The following CMIP variants were observed in gnomAD, a reference collection of about 807,000 sequenced individuals.
CMIP encodes the protein c-Maf inducing protein.
A neutral mutation model predicts 97.3 loss-of-function variants in CMIP; 13 were observed. The ratio of observed to expected loss-of-function variants is 0.13; its 90% CI spans 0.09 to 0.21. The LOEUF (loss-of-function observed/expected upper bound fraction) is 0.21, where lower values mean the gene tolerates loss of function less well. CMIP is among the 10% of genes least tolerant of loss of function. CMIP has a pLI of 1.00. For missense variants in CMIP, 847 were observed against 1,024.9 expected (o/e 0.83, Z 2.37); for synonymous variants, 538 against 436.3 (o/e 1.23, Z -2.91).
chr16:81,524,033 G>C (rs12443566), intron 1 of CMIP, among the ~76,000 whole-genome samples: 1 of 152,206 alleles, frequency 6.6e-6, no homozygotes. Flanking sequence ...CCTTGGAGTA[G>C]GCTTATTTTT....
At chr16:81,458,061 A>G (rs1200547141) in intron 1 of CMIP, among the ~76,000 whole-genome samples, 1 of 152,240 alleles carries the variant, frequency 6.6e-6, no homozygotes, top group Non-Finnish European at 1.5e-5. Context: ...AATTAGCATT[A>G]GAAAGTTTTG....
rs184811406 is a variant in CMIP, at chr16:81,598,761, G to A, written c.301-8806G>A. On this transcript the variant is annotated intron_variant, in intron 1 of 20. Transcript: ENST00000537098. ...GCATGCGGATCACCTGAGGTCAGGC[G>A]TTTGAGACCAGCCTGGCCAACATGG... 6.6e-5 allele frequency among the ~76,000 whole-genome samples: 10 copies of A among 152,208 alleles called. No individual in the cohort carries two copies. The East Asian group carries it at 9.7e-4, about 15-fold the overall frequency.
intron 10 of CMIP, among the ~76,000 whole-genome samples, chr16:81,683,508 G>C (rs537248862): frequency 4.6e-5 from 7 of 152,198 alleles, no homozygotes; most frequent in Admixed American, 4.6e-4. Flanking sequence ...TCCTGCCTCA[G>C]CCTCCCCAGT....
Position 81,444,841 on chromosome 16 carries a change from C to G in CMIP, c.-401C>G, listed in dbSNP as rs1399173208. The stretch of plus-strand genomic sequence containing the variant: ...CCGGACGGCCGCGCGGACACACGCT[C>G]TGTACACACGCGCGCGGCGGCGCGG... On this transcript the variant is annotated 5_prime_UTR_variant, in exon 1 of 21. Transcript: ENST00000537098. Among the ~76,000 whole-genome samples, 1 of 144,874 alleles carries G rather than the reference C, an allele frequency of 6.9e-6. No individual in the cohort carries two copies. The highest frequency in any genetic ancestry group is 1.5e-5 in the Non-Finnish European group (1 of 65,140).
chr16:81,512,303 G>A (rs1347010268), intron 1 of CMIP, among the ~76,000 whole-genome samples: 1 of 152,104 alleles, frequency 6.6e-6, no homozygotes, highest in Admixed American at 6.5e-5. Context: ...CTTGGTGGGG[G>A]TCTTTCTTGC....
chr16:81,527,522 C>T (rs1414951497), intron 1 of CMIP, among the ~76,000 whole-genome samples: 1 of 152,202 alleles, frequency 6.6e-6, no homozygotes, highest in Non-Finnish European at 1.5e-5. Context: ...ATTATCCCAT[C>T]TCATGGACCT....
At chr16:81,544,713 T>A (rs187403105) in intron 1 of CMIP, among the ~76,000 whole-genome samples, 1 of 151,638 alleles carries the variant, frequency 6.6e-6, no homozygotes, top group East Asian at 2.0e-4. Context: ...GTTTGTGGAA[T>A]GTTGTGTGTA....
At chr16:81,518,816 T>C (rs562770536) in intron 1 of CMIP, 32 of 150,040 alleles carry the variant, frequency 2.1e-4, no homozygotes, top group African/African-American at 7.9e-4. Context: ...TGGGGCAACA[T>C]AGCGAGACCT....
At chr16:81,688,262 G>A (rs775105276) in intron 10 of CMIP, among the ~76,000 whole-genome samples, 1 of 152,240 alleles carries the variant, frequency 6.6e-6, no homozygotes, top group African/African-American at 2.4e-5. Flanking sequence ...CAGGAAGGAG[G>A]CTCTTTCATG....
At chr16:81,588,470 T>G (rs898335514) in intron 1 of CMIP, among the ~76,000 whole-genome samples, 1 of 152,230 alleles carries the variant, frequency 6.6e-6, no homozygotes, top group African/African-American at 2.4e-5. Context: ...TGACCTCGTT[T>G]ACGGGCAGGG....
chr16:81,617,659 T>C (rs1236963116), intron 2 of CMIP: 1 of 152,366 alleles, frequency 6.6e-6, no homozygotes, highest in East Asian at 1.9e-4. Flanking sequence ...CTTTCCTCTT[T>C]CTTCCTTTGT....
chr16:81,495,407 C>T (rs770343130), intron 1 of CMIP: 16 of 1,574,182 alleles, frequency 1.0e-5, no homozygotes, highest in South Asian at 4.7e-5. Context: ...CAAACCAAGC[C>T]GGCCGGGCTG....
chr16:81,536,670 G>C (rs537232603), intron 1 of CMIP, among the ~76,000 whole-genome samples: 1 of 152,306 alleles, frequency 6.6e-6, no homozygotes, highest in Non-Finnish European at 1.5e-5. Context: ...TAGAGCAGGA[G>C]GCCGAGGGAC....
intron 1 of CMIP, among the ~76,000 whole-genome samples, chr16:81,473,163 C>T (rs1485215215): frequency 1.3e-5 from 2 of 152,274 alleles, no homozygotes; most frequent in Non-Finnish European, 2.9e-5. Flanking sequence ...TCCTGCTGCA[C>T]TGGTGGCCAC....
intron 1 of CMIP, among the ~76,000 whole-genome samples, chr16:81,557,080 C>T (rs114102053): frequency 2.6e-3 from 397 of 152,308 alleles, no homozygotes; most frequent in African/African-American, 9.2e-3. Flanking sequence ...CGAAAATGTT[C>T]CATGGTCTGA....
intron 1 of CMIP, among the ~76,000 whole-genome samples, chr16:81,508,186 A>G (rs1004199441): frequency 3.9e-5 from 6 of 152,244 alleles, no homozygotes; most frequent in African/African-American, 1.4e-4. Flanking sequence ...TAGGACTTTC[A>G]TATGATGCAC....
rs1033891375 is a variant in CMIP at position 81,661,568 on chromosome 16, C to T, written c.744+622C>T. 5.3e-5 allele frequency among the ~76,000 whole-genome samples: 8 copies of T among 152,318 alleles called. No individual in the cohort carries two copies. The South Asian group carries it at 8.3e-4, about 16-fold the overall frequency. On this transcript the variant is annotated intron_variant, in intron 6 of 20. Coordinates refer to ENST00000537098, the MANE Select transcript of CMIP (RefSeq NM_198390.3). ...CTCCCCTGTCATACCCCTGCTGCCC[C>T]GCTCAGCTGGTCCTCATCCCTCCCC...
In CMIP at chr16:81,657,668, G is replaced by A. The variant is rs549340328; in HGVS notation, c.640-107G>A. ...AAAAAATGACAGTGACAGTTGGTCT[G>A]TGACGCTGAAGATGTTTCAAAACTG... On this transcript the variant is annotated intron_variant, in intron 4 of 20. Transcript: ENST00000537098. 123 of 911,084 alleles carry A rather than the reference G, an allele frequency of 1.4e-4. No homozygotes were observed. In the East Asian group the frequency reaches 2.4e-3, roughly 18 times the overall value. The allele number at this position is 911,084 out of a possible 1,614,324, so 56.4% of individuals were successfully genotyped here.
chr16:81,654,664 G>A (rs549908826), intron 4 of CMIP, among the ~76,000 whole-genome samples: 2 of 152,168 alleles, frequency 1.3e-5, no homozygotes, highest in Non-Finnish European at 2.9e-5. Flanking sequence ...GACCTCCCCA[G>A]TTTCTCCCAA....
Sources: allele counts gnomAD v4.1 joint callset (sites outside exome capture counted in the v4.1 genomes callset), GRCh38; gene constraint gnomAD v4.1.1; transcripts MANE v1.5; gene names NCBI Gene and HGNC (gene_info 2026-07-23, HGNC 2026-07-21).